DOCK9: variants seen among roughly 807,000 people sequenced by gnomAD.
The protein encoded by DOCK9 is dedicator of cytokinesis 9, also known as dedicator of cytokinesis protein 9.
Under a neutral mutation model 263.3 loss-of-function variants are expected in DOCK9, and 89 were observed. The observed-to-expected ratio is 0.34, with a 90% confidence interval of 0.28 to 0.40. The LOEUF (loss-of-function observed/expected upper bound fraction) is 0.40. Among genes scored for constraint, DOCK9 ranks in the 10% least tolerant of loss-of-function variants. DOCK9 has a pLI of 1.00. For missense variants in DOCK9, 2,140 were observed against 2,603.4 expected, an observed-to-expected ratio of 0.82 and a Z score of 3.87; for synonymous variants, 976 against 973.1, an observed-to-expected ratio of 1.00 and a Z score of -0.06.
At chr13:98,849,234 G>A (rs2093485968) in intron 36 of DOCK9, among the ~76,000 whole-genome samples, 1 of 152,000 alleles carries the variant, frequency 6.6e-6, no homozygotes, top group East Asian at 1.9e-4. Context: ...AGGAGACTAT[G>A]AGCCAAGCGT....
intron 2 of DOCK9, among the ~76,000 whole-genome samples, chr13:98,944,061 T>C (rs748584700): frequency 6.6e-6 from 1 of 152,232 alleles, no homozygotes; most frequent in Non-Finnish European, 1.5e-5. Context: ...ATTTATCCAA[T>C]TCCACCAATT....
intron 24 of DOCK9, 44 bp downstream of exon 24, chr13:98,881,848 G>A (rs1184837589): frequency 5.4e-6 from 8 of 1,481,066 alleles, no homozygotes; most frequent in Admixed American, 3.9e-5. Flanking sequence ...CTCCAGATGT[G>A]GACAGACTAG....
intron 1 of DOCK9, among the ~76,000 whole-genome samples, chr13:99,008,298 T>A (rs967759495): frequency 2.8e-4 from 42 of 150,012 alleles, no homozygotes; most frequent in Admixed American, 2.7e-4. Flanking sequence ...AATGGTGTGA[T>A]CTCAGCTCAC....
chr13:99,038,287 C>CAT (rs1555298970), intron 1 of DOCK9, among the ~76,000 whole-genome samples: 1 of 48,834 alleles, frequency 2.0e-5, no homozygotes, highest in Non-Finnish European at 4.2e-5. Flanking sequence ...TTTATGCCCC[C>CAT]CTTTTTTTTT....
intron 1 of DOCK9, among the ~76,000 whole-genome samples, chr13:99,071,306 C>CTTTTTTTTTTTTTTTTTTTTTTTTTTTT (rs71114578): frequency 1.4e-4 from 7 of 49,330 alleles, no homozygotes; most frequent in Admixed American, 8.2e-4. Flanking sequence ...CCATGCCTGG[C>CTTTTTTTTTTTTTTTTTTTTTTTTTTTT]TTTTTTTTTT....
intron 38 of DOCK9, among the ~76,000 whole-genome samples, chr13:98,841,818 T>G (rs2093229340): frequency 6.6e-6 from 1 of 151,834 alleles, no homozygotes. Flanking sequence ...TTATTATTTG[T>G]TTTTAGTAGA....
intron 1 of DOCK9, among the ~76,000 whole-genome samples, chr13:99,018,461 T>C (rs925355018): frequency 1.4e-4 from 22 of 152,232 alleles, no homozygotes; most frequent in African/African-American, 5.3e-4. Context: ...TCATTACAAA[T>C]TACCCTGTTT....
At chr13:99,074,285 A>C (rs1309327199) in intron 1 of DOCK9, among the ~76,000 whole-genome samples, 3 of 152,254 alleles carry the variant, frequency 2.0e-5, no homozygotes, top group African/African-American at 4.8e-5. Flanking sequence ...TTGTAATGTC[A>C]TGACTTCTCT....
At chr13:99,050,303 C>G (rs189520086) in intron 1 of DOCK9, among the ~76,000 whole-genome samples, 30 of 152,280 alleles carry the variant, frequency 2.0e-4, no homozygotes, top group Admixed American at 1.0e-3. Context: ...AACCACTTCC[C>G]CTTGCAGTGA....
At chr13:98,906,699 T>C (rs1419423426) in intron 9 of DOCK9, among the ~76,000 whole-genome samples, 1 of 152,168 alleles carries the variant, frequency 6.6e-6, no homozygotes, top group Non-Finnish European at 1.5e-5. Flanking sequence ...AAAATAAGCA[T>C]CTTAATCTTC....
intron 1 of DOCK9, among the ~76,000 whole-genome samples, chr13:99,036,543 T>C (rs966346120): frequency 6.6e-6 from 1 of 151,916 alleles, no homozygotes; most frequent in Non-Finnish European, 1.5e-5. Flanking sequence ...TGTTGGTTTT[T>C]TGTTTTGTTT....
intron 44 of DOCK9, 75 bp from the exon 45 acceptor site, chr13:98,824,579 C>G: frequency 8.0e-7 from 1 of 1,256,692 alleles, no homozygotes. Flanking sequence ...TTTTCCTGCC[C>G]TGTGTGTTTC....
At chr13:98,919,769 A>T (rs2051583143) in intron 7 of DOCK9, among the ~76,000 whole-genome samples, 1 of 152,246 alleles carries the variant, frequency 6.6e-6, no homozygotes, top group African/African-American at 2.4e-5. Flanking sequence ...TGCACTGTGA[A>T]TTGCGTGACT....
At chr13:98,995,216 C>T (rs1046482435) in intron 1 of DOCK9, among the ~76,000 whole-genome samples, 6 of 152,152 alleles carry the variant, frequency 3.9e-5, no homozygotes, top group Non-Finnish European at 2.9e-5. Flanking sequence ...TTATTTCACT[C>T]ATGAAAAGCT....
chr13:98,817,477 G>A (rs2091956423), intron 45 of DOCK9, among the ~76,000 whole-genome samples: 1 of 25,230 alleles, frequency 4.0e-5, no homozygotes, highest in Non-Finnish European at 6.9e-5. Flanking sequence ...TTTTTTGGTA[G>A]GGATAGGGTC....
intron 1 of DOCK9, among the ~76,000 whole-genome samples, chr13:98,963,130 G>A (rs764395645): frequency 1.3e-5 from 2 of 152,004 alleles, no homozygotes; most frequent in Non-Finnish European, 2.9e-5. Context: ...GCATGGCAGC[G>A]GGCAGCATGG....
chr13:98,987,322 C>T lies in DOCK9; in HGVS notation c.130-31771G>A, dbSNP rs182413690. On this transcript the variant is annotated intron_variant, in intron 1 of 32. Coordinates refer to the DOCK9 transcript ENST00000427887. ...AAAAAGAATTATACATGTAACACAA[C>T]GGGTTTCATCTTCCCCTCCTGAACA... Among the ~76,000 whole-genome samples the T allele has an allele frequency of 9.3e-5, 14 of 150,868 alleles. No individual in the cohort carries two copies. In the East Asian group the frequency reaches 1.9e-3, roughly 21 times the overall value.
At chr13:98,924,239 G>A (rs753450545) in intron 4 of DOCK9, among the ~76,000 whole-genome samples, 3 of 152,190 alleles carry the variant, frequency 2.0e-5, no homozygotes, top group Non-Finnish European at 4.4e-5. Context: ...GTTCCTGGCT[G>A]AGGTTTAAAA....
chr13:99,038,282 G>GC (rs768348816), intron 1 of DOCK9, among the ~76,000 whole-genome samples: 843 of 72,150 alleles, frequency 0.012, 82 homozygotes, highest in Middle Eastern at 0.035. Context: ...CTGGCTTTAT[G>GC]CCCCCCTTTT....
Sources: gnomAD v4.1 joint callset for allele counts (sites outside exome capture counted in the v4.1 genomes callset) on GRCh38, gnomAD v4.1.1 for gene constraint, MANE v1.5 for transcripts, NCBI Gene and HGNC (gene_info 2026-07-23, HGNC 2026-07-21) for gene names.